Variants in ANO9 observed in about 807,000 individuals in gnomAD.
ANO9 encodes the protein anoctamin-9.
A neutral mutation model predicts 100.5 loss-of-function variants in ANO9; 80 were observed. The observed-to-expected ratio is 0.80, with a 90% CI of 0.66 to 0.96. The LOEUF (loss-of-function observed/expected upper bound fraction) is 0.96, where lower values mean the gene tolerates loss of function less well. Ranked by LOEUF, ANO9 falls within the 40% of genes least tolerant of loss-of-function variation. The pLI is 0.00. For missense variants in ANO9, 1,064 were observed against 1,072.7 expected, an observed-to-expected ratio of 0.99 and a Z score of 0.11; for synonymous variants, 473 against 435.6, an observed-to-expected ratio of 1.09 and a Z score of -1.07.
intron 7 of ANO9, among the ~76,000 whole-genome samples, 192 bp downstream of exon 7, chr11:431,502 C>T (rs183123376): frequency 0.14 from 568 of 4,038 alleles, 104 homozygotes; most frequent in South Asian, 0.5. Flanking sequence ...GGGGCTCCCG[C>T]GGGTATCTGG....
Position 419,600 on chromosome 11 carries a change from T to A in ANO9, c.1916A>T (p.Glu639Val). 4 of 1,613,406 alleles carry A rather than the reference T, an allele frequency of 2.5e-6. No homozygotes were observed. Among genetic ancestry groups the A allele is most frequent in the Non-Finnish European group, 3.4e-6 (4 of 1,179,824 alleles). Reference protein sequence around the residue: ...YKYRYSPCLKEGNSTVDCLKG... With the variant: ...YKYRYSPCLKVGNSTVDCLKG... ...GCCTTACTCGACAGTAGAGTTGCCT[T>A]CTTTCAGGCATGGGCTATAGCGGTA... Residue 639 changes from glutamate (E) to valine (V), a missense_variant, in exon 20 of 23, where the codon GAA (glutamate) becomes GTA (valine). Physicochemically the swap from Glu to Val is moderately radical, Grantham distance 121. Transcript: ENST00000332826.
Position 420,759 on chromosome 11 carries a change from G to C in ANO9, c.1592C>G (p.Pro531Arg). The C allele has an allele frequency of 6.2e-7, 1 of 1,605,698 alleles. No individual in the cohort carries two copies. Among genetic ancestry groups the C allele is most frequent in the East Asian group, 2.2e-5 (1 of 44,700 alleles). The change falls in exon 18 of 23, where the codon CCG (proline) becomes CGG (arginine). Residue 531 changes from proline to arginine, a missense_variant. Coordinates refer to ENST00000332826, the MANE Select transcript of ANO9 (RefSeq NM_001012302.3). ...GTCGAACAGGCTGAAGGTGTTGACCGGGTTCAGAAGGTAGTTGCGCCGCCA... is the reference window on the plus strand; with the variant it reads ...GTCGAACAGGCTGAAGGTGTTGACCCGGTTCAGAAGGTAGTTGCGCCGCCA... ...RDWRRNYLLNPVNTFSLFDEF... is the reference protein window; with the variant it reads ...RDWRRNYLLNRVNTFSLFDEF...
At chr11:430,226 G>A (rs376274256) in intron 8 of ANO9, 43 bp downstream of exon 8, 1 of 1,550,772 alleles carries the variant, frequency 6.4e-7, no homozygotes, top group South Asian at 1.2e-5. Context: ...CAGGCAGCAG[G>A]GCCCACCCCG....
At chr11:436,170 C>T (rs577797649) in intron 1 of ANO9, among the ~76,000 whole-genome samples, 26 of 149,492 alleles carry the variant, frequency 1.7e-4, no homozygotes, top group Admixed American at 3.4e-4. Context: ...CAGGTTCAAG[C>T]GATTCTCCTG....
In ANO9 at chr11:428,703, C is replaced by A. The variant is rs375056563; in HGVS notation, c.1020+19G>T. 12 of 1,612,668 alleles carry A rather than the reference C, an allele frequency of 7.4e-6. No homozygotes were observed. Among genetic ancestry groups the A allele is most frequent in the African/African-American group, 2.7e-5 (2 of 74,930 alleles). ...ATGCAGCCCGGGTCTCCAGCCCCACCGCGGTGTCCCCTGCGTACCATGAGC... is the reference window on the plus strand; with the variant it reads ...ATGCAGCCCGGGTCTCCAGCCCCACAGCGGTGTCCCCTGCGTACCATGAGC... On this transcript the variant is annotated intron_variant, in intron 12 of 22. Coordinates refer to ENST00000332826, the MANE Select transcript of ANO9 (RefSeq NM_001012302.3).
chr11:423,857 A>C (rs2133684852), intron 15 of ANO9, among the ~76,000 whole-genome samples: 1 of 150,576 alleles, frequency 6.6e-6, no homozygotes, highest in South Asian at 2.1e-4. Context: ...GAAATCATAA[A>C]CATCTAAAGG....
rs1848095324 is a variant in ANO9, at chr11:420,315, ATCCGAGGCCG to A, written c.1786+138_1786+147del. 22 of 1,455,876 alleles carry A rather than the reference ATCCGAGGCCG, an allele frequency of 1.5e-5. No individual in the cohort carries two copies. In the South Asian group the frequency reaches 2.8e-4, roughly 19 times the overall value. 90.2% of individuals were successfully genotyped at this position (1,455,876 alleles called of 1,614,324 possible). On this transcript the variant is annotated intron_variant, in intron 19 of 22. Coordinates refer to ENST00000332826, the MANE Select transcript of ANO9 (RefSeq NM_001012302.3). ...ACCCTCCCACCCAGGCTCAACCCGC[ATCCGAGGCCG>A]TCGGAGAAGGGCTGGGGGCTGTCTG...
intron 7 of ANO9, among the ~76,000 whole-genome samples, chr11:430,700 G>A (rs1848877034): frequency 8.1e-6 from 1 of 123,952 alleles, no homozygotes; most frequent in Non-Finnish European, 1.7e-5. Flanking sequence ...GTGGGCGTGG[G>A]GGCATCTGTG....
rs140961109 is a variant in ANO9 at position 428,757 on chromosome 11, G to A, written c.985C>T (p.Arg329Cys). The change falls in exon 12 of 23, where the codon CGC becomes TGC. Residue 329 changes from arginine to cysteine, a missense_variant. Arg to Cys is a radical substitution (Grantham distance 180). Transcript: ENST00000332826. ...GTCAGGACGAGGATGACGGTGCTGCGTAGGTAGGAGTGCTGGTATGGCCGG... is the reference window on the plus strand; with the variant it reads ...GTCAGGACGAGGATGACGGTGCTGCATAGGTAGGAGTGCTGGTATGGCCGG... Reference protein sequence around the residue: ...KLRPYQHSYLRSTVILVLTLL... With the variant: ...KLRPYQHSYLCSTVILVLTLL... 204 of 1,613,382 alleles carry A rather than the reference G, an allele frequency of 1.3e-4. No individual in the cohort carries two copies. The African/African-American group carries it at 1.4e-3, about 11-fold the overall frequency.
At position 420,702 on chromosome 11, in the gene ANO9, C is replaced by T; in HGVS notation, c.1633+16G>A. ...CATTCGTCTCCGCGAACCCCCGCCC[C>T]GCAGCGCCCACGCACTCATCTCCAT... is the stretch of plus-strand genomic sequence containing the variant. On this transcript the variant is annotated intron_variant, in intron 18 of 22. Coordinates refer to ENST00000332826, the MANE Select transcript of ANO9 (RefSeq NM_001012302.3). 1.2e-6 allele frequency: 2 copies of T among 1,604,824 alleles called. No homozygotes were observed. Among genetic ancestry groups the T allele is most frequent in the South Asian group, 1.1e-5 (1 of 90,548 alleles).
intron 12 of ANO9, 22 bp from the exon 13 acceptor site, chr11:428,661 CG>C: frequency 6.2e-7 from 1 of 1,607,348 alleles, no homozygotes; most frequent in Non-Finnish European, 8.5e-7. Context: ...CTGTGGTGGG[CG>C]GGGGCCGGGG....
At position 441,914 on chromosome 11, in the gene ANO9, G is replaced by A. The variant is rs893553987; in HGVS notation, c.6+7C>T. 2 of 1,607,902 alleles carry A rather than the reference G, an allele frequency of 1.2e-6. No homozygotes were observed. Among genetic ancestry groups the A allele is most frequent in the East Asian group, 2.2e-5 (1 of 44,820 alleles). ...AAGGTGTGGACCCTTTTGAGCGCAG[G>A]ACTCACCTGCATGCTGGCTGTGGCC... On this transcript the variant is annotated splice_region_variant and intron_variant, in intron 1 of 22. Transcript: ENST00000332826.
At chr11:420,382 G>A in intron 19 of ANO9, 81 bp downstream of exon 19, 1 of 1,546,500 alleles carries the variant, frequency 6.5e-7, no homozygotes, top group East Asian at 2.4e-5. Context: ...ATTTTTTCCA[G>A]GTGAGCCGGC....
chr11:420,629 G>A lies in ANO9; in HGVS notation c.1634-14C>T. The A allele has an allele frequency of 6.2e-7, 1 of 1,603,828 alleles. No individual in the cohort carries two copies. Among genetic ancestry groups the A allele is most frequent in the Non-Finnish European group, 8.5e-7 (1 of 1,178,526 alleles). On this transcript the variant is annotated splice_polypyrimidine_tract_variant and intron_variant, in intron 18 of 22. Transcript: ENST00000332826. ...CGTACTGGATCACTGCGCGGTGGGG[G>A]TCAGGCTCACCGGCGCCCCGCACTC...
intron 1 of ANO9, among the ~76,000 whole-genome samples, chr11:438,059 G>A (rs1013027937): frequency 7.2e-5 from 11 of 152,102 alleles, no homozygotes; most frequent in South Asian, 2.1e-4. Flanking sequence ...GGAAGCCATC[G>A]TTCACCCCAG....
At position 428,996 on chromosome 11, in the gene ANO9, C is replaced by T. The variant is rs113667824; in HGVS notation, c.916-170G>A. 4.4e-3 allele frequency among the ~76,000 whole-genome samples: 599 copies of T among 136,720 alleles called. 4 individuals carry two copies. Among genetic ancestry groups the T allele is most frequent in the African/African-American group, 0.016 (568 of 34,980 alleles). 89.7% of individuals were successfully genotyped at this position (136,720 alleles called of 152,430 possible). A position where few individuals can be genotyped will look rare whatever the true frequency, so the allele number is the denominator to read the frequency against. On this transcript the variant is annotated intron_variant, in intron 11 of 22. Transcript: ENST00000332826. ...ACGTGGGGAGACAGACACAGGGACACGCCTCACGGGTGGACAGACACGGGA... is the reference window on the plus strand; with the variant it reads ...ACGTGGGGAGACAGACACAGGGACATGCCTCACGGGTGGACAGACACGGGA...
At chr11:431,615 G>A (rs1849002109) in intron 7 of ANO9, 79 bp downstream of exon 7, 1 of 1,442,488 alleles carries the variant, frequency 6.9e-7, no homozygotes, top group East Asian at 2.4e-5. Context: ...GGGTGTGGGG[G>A]CGTCCGCGGG....
rs762965444 is a variant in ANO9, at chr11:418,542, G to A, written c.2178C>T (p.Asp726=). 3.7e-6 allele frequency: 6 copies of A among 1,613,146 alleles called. No homozygotes were observed. In the Admixed American group the frequency reaches 5.0e-5, roughly 13 times the overall value. ...IKLIAAWFVP[D]IPQSVKNKVL... ...CCTTGTTCTTCACCGACTGAGGGAT[G>A]TCGGGCACGAACCAGGCGGCGATGA... The change falls in exon 23 of 23, where the codon GAC becomes GAT. Residue 726 remains aspartate (D), a synonymous_variant. Transcript: ENST00000332826.
chr11:430,857 CA>C (rs1412359875), intron 7 of ANO9, among the ~76,000 whole-genome samples: 1 of 13,158 alleles, frequency 7.6e-5, no homozygotes, highest in African/African-American at 4.6e-4. Flanking sequence ...TGTGGGGGCT[CA>C]CGCGGGTATC....
Sources: allele counts gnomAD v4.1 joint callset (sites outside exome capture counted in the v4.1 genomes callset), GRCh38; gene constraint gnomAD v4.1.1; transcripts MANE v1.5; gene names NCBI Gene and HGNC (gene_info 2026-07-23, HGNC 2026-07-21).